The following MCTP1 variants were observed in gnomAD, a reference collection of about 807,000 sequenced individuals.
The protein encoded by MCTP1 is multiple C2 and transmembrane domain-containing protein 1.
Under a neutral mutation model 120.6 loss-of-function variants are expected in MCTP1, and 69 were observed. That is an observed-to-expected ratio of 0.57 (90% CI 0.47 to 0.70). MCTP1 has a LOEUF of 0.70. MCTP1 is among the 30% of genes least tolerant of loss of function. MCTP1 has a pLI of 0.00. For missense variants in MCTP1, 1,203 were observed against 1,248.8 expected, an observed-to-expected ratio of 0.96 and a Z score of 0.55; for synonymous variants, 529 against 493.1, an observed-to-expected ratio of 1.07 and a Z score of -0.96.
intron 1 of MCTP1, chr5:95,068,869 C>G (rs1044634580): frequency 1.7e-5 from 19 of 1,141,770 alleles, no homozygotes; most frequent in Middle Eastern, 2.3e-4. Flanking sequence ...AATATTGTAC[C>G]TAGGGACATT....
At chr5:95,165,741 A>G (rs1746257492) in intron 1 of MCTP1, among the ~76,000 whole-genome samples, 1 of 152,028 alleles carries the variant, frequency 6.6e-6, no homozygotes, top group Non-Finnish European at 1.5e-5. Flanking sequence ...TGTCTTTCCA[A>G]CTCTGAGAGG....
intron 18 of MCTP1, among the ~76,000 whole-genome samples, chr5:94,796,686 A>G (rs1321817630): frequency 1.4e-5 from 2 of 147,080 alleles, no homozygotes; most frequent in African/African-American, 2.5e-5. Flanking sequence ...TGTAACCAGC[A>G]AAGTATAATC....
rs140155276 is a variant in MCTP1, at chr5:95,225,601, G to A, written c.720+58255C>T. 5.8e-4 allele frequency among the ~76,000 whole-genome samples: 88 copies of A among 152,284 alleles called. No individual in the cohort carries two copies. In the East Asian group the frequency reaches 0.015, roughly 26 times the overall value. On this transcript the variant is annotated intron_variant, in intron 1 of 22. Transcript: ENST00000515393. ...ATTCCAAGAATGGTCAATGTCCCAA[G>A]TTCAAGTGGGAAAGAACATTTTACT...
At chr5:94,870,583 T>C (rs1041676721) in intron 15 of MCTP1, 92 bp from the exon 16 acceptor site, 32 of 971,508 alleles carry the variant, frequency 3.3e-5, no homozygotes, top group Non-Finnish European at 4.9e-5. Flanking sequence ...ATTTCTAAAG[T>C]TTCAAAGTCC....
At position 95,203,429 on chromosome 5, in the gene MCTP1, G is replaced by A. The variant is rs370026861; in HGVS notation, c.720+80427C>T. Among the ~76,000 whole-genome samples the A allele has an allele frequency of 3.9e-4, 60 of 152,312 alleles. No homozygotes were observed. The South Asian group carries it at 0.012, about 32-fold the overall frequency. On this transcript the variant is annotated intron_variant, in intron 1 of 22. Coordinates refer to ENST00000515393, the MANE Select transcript of MCTP1 (RefSeq NM_024717.7). ...TTGAGATGAGACCCTTGTGAATTAG[G>A]TATGAGTGTCTCTATGCTGGGCAAA...
rs10526286 is a variant in MCTP1, at chr5:94,819,078, AATTT to A, written c.2437-19950_2437-19947del. Among the ~76,000 whole-genome samples, 454 of 140,316 alleles carry A rather than the reference AATTT, an allele frequency of 3.2e-3. 6 individuals are homozygous for A. Among genetic ancestry groups the A allele is most frequent in the Middle Eastern group, 0.011 (3 of 270 alleles). 92.1% of individuals were successfully genotyped at this position (140,316 alleles called of 152,430 possible). ...ACATAAAGCAAGATAAACTACTTCA[AATTT>A]ATTTATTTATTTATTTATTTATTTA... On this transcript the variant is annotated intron_variant, in intron 17 of 22. Coordinates refer to ENST00000515393, the MANE Select transcript of MCTP1 (RefSeq NM_024717.7).
chr5:94,795,962 G>A (rs898644986), intron 18 of MCTP1, among the ~76,000 whole-genome samples: 13 of 152,180 alleles, frequency 8.5e-5, no homozygotes, highest in Non-Finnish European at 2.9e-5. Context: ...AGGTATAGGG[G>A]TTCAATGCCT....
intron 19 of MCTP1, among the ~76,000 whole-genome samples, chr5:94,764,787 C>T (rs1772166466): frequency 1.5e-5 from 2 of 136,028 alleles, no homozygotes; most frequent in African/African-American, 5.6e-5. Flanking sequence ...TAATTGGGGA[C>T]TTCAATACCC....
At chr5:95,080,215 G>C (rs187050997) in intron 1 of MCTP1, among the ~76,000 whole-genome samples, 27 of 152,226 alleles carry the variant, frequency 1.8e-4, no homozygotes, top group Non-Finnish European at 1.5e-4. Flanking sequence ...TCACTTCCCA[G>C]AGTAAGGATT....
intron 1 of MCTP1, among the ~76,000 whole-genome samples, chr5:95,109,361 G>C (rs1757301918): frequency 1.3e-5 from 2 of 152,174 alleles, no homozygotes; most frequent in Non-Finnish European, 2.9e-5. Context: ...TCTATTCTCA[G>C]ATTTACTTAG....
chr5:94,786,595 C>T (rs2077258995), intron 18 of MCTP1, among the ~76,000 whole-genome samples: 1 of 152,118 alleles, frequency 6.6e-6, no homozygotes, highest in Admixed American at 6.5e-5. Context: ...ATGAGCTTCC[C>T]ACAATATAAC....
At chr5:94,823,265 T>C (rs965424614) in intron 17 of MCTP1, among the ~76,000 whole-genome samples, 1 of 152,206 alleles carries the variant, frequency 6.6e-6, no homozygotes, top group African/African-American at 2.4e-5. Context: ...TTTCAGTATA[T>C]GGCTAGCCAG....
chr5:95,274,550 A>T (rs568417201), intron 1 of MCTP1, among the ~76,000 whole-genome samples: 199 of 151,578 alleles, frequency 1.3e-3, no homozygotes, highest in South Asian at 4.8e-3. Flanking sequence ...CCATCAACTC[A>T]CTCAAGGTAT....
intron 10 of MCTP1, among the ~76,000 whole-genome samples, chr5:94,895,858 T>A (rs1342603999): frequency 6.6e-6 from 1 of 152,182 alleles, no homozygotes; most frequent in African/African-American, 2.4e-5. Context: ...ATATGAGGGA[T>A]GTCTGGGACT....
intron 1 of MCTP1, among the ~76,000 whole-genome samples, chr5:95,055,008 C>T (rs765768602): frequency 2.0e-5 from 3 of 152,064 alleles, no homozygotes; most frequent in East Asian, 1.9e-4. Flanking sequence ...TACATGGTTT[C>T]GCTATGTTGG....
rs377449275 is a variant in MCTP1 at position 94,849,908 on chromosome 5, T to C, written c.2436+18425A>G. ...GCACTTTGCAGTAATTATTTGAATATAACTAGTCACAAAAACAATGCTGGT... is the reference window on the plus strand; with the variant it reads ...GCACTTTGCAGTAATTATTTGAATACAACTAGTCACAAAAACAATGCTGGT... On this transcript the variant is annotated intron_variant, in intron 17 of 22. Coordinates refer to ENST00000515393, the MANE Select transcript of MCTP1 (RefSeq NM_024717.7). Among the ~76,000 whole-genome samples the C allele has an allele frequency of 8.5e-5, 13 of 152,250 alleles. No individual in the cohort carries two copies. In the East Asian group the frequency reaches 1.9e-3, roughly 23 times the overall value.
At chr5:95,161,158 A>G (rs1485303520) in intron 1 of MCTP1, among the ~76,000 whole-genome samples, 1 of 152,206 alleles carries the variant, frequency 6.6e-6, no homozygotes, top group Non-Finnish European at 1.5e-5. Flanking sequence ...TCATTGCACC[A>G]TTCTTCACAA....
At chr5:95,154,467 G>T (rs1744872838) in intron 1 of MCTP1, among the ~76,000 whole-genome samples, 1 of 152,064 alleles carries the variant, frequency 6.6e-6, no homozygotes, top group African/African-American at 2.4e-5. Context: ...AACTATAAGG[G>T]TTACTTCAGC....
chr5:95,221,330 C>A (rs1164444329), intron 1 of MCTP1, among the ~76,000 whole-genome samples: 1 of 152,228 alleles, frequency 6.6e-6, no homozygotes, highest in Non-Finnish European at 1.5e-5. Flanking sequence ...TCCAAGTAAA[C>A]CTGTTTCATC....
Sources: allele counts gnomAD v4.1 joint callset (sites outside exome capture counted in the v4.1 genomes callset), GRCh38; gene constraint gnomAD v4.1.1; transcripts MANE v1.5; gene names NCBI Gene and HGNC (gene_info 2026-07-23, HGNC 2026-07-21).